The following CELF2 variants were observed in gnomAD, a reference collection of about 807,000 sequenced individuals.
CELF2 encodes the protein CUG triplet repeat RNA-binding protein 2.
CELF2 carries 8 observed loss-of-function variants against 62.6 expected under a neutral mutation model. The ratio of observed to expected loss-of-function variants is 0.13; its 90% CI spans 0.07 to 0.23. The LOEUF (loss-of-function observed/expected upper bound fraction) is 0.23, where lower values mean the gene tolerates loss of function less well. Among genes scored for constraint, CELF2 ranks in the 10% least tolerant of loss-of-function variants. CELF2 has a pLI of 1.00. For missense variants in CELF2, 333 were observed against 671.0 expected (o/e 0.50, Z 5.56); for synonymous variants, 258 against 250.0 (o/e 1.03, Z -0.30).
At chr10:10,598,762 T>TC in the CELF2 span, among the ~76,000 whole-genome samples, 1 of 131,504 alleles carries the variant, frequency 7.6e-6, no homozygotes, top group Admixed American at 7.6e-5. Flanking sequence ...TTTTTTTTTT[T>TC]TTTTTTTTTT....
intron 9 of CELF2, among the ~76,000 whole-genome samples, chr10:11,308,421 A>C (rs1051127292): frequency 2.0e-5 from 3 of 152,192 alleles, no homozygotes; most frequent in Non-Finnish European, 4.4e-5. Flanking sequence ...TATTTCTGTG[A>C]GGCTCTGTTC....
intron 1 of CELF2, among the ~76,000 whole-genome samples, chr10:11,089,659 G>T (rs1424647326): frequency 6.6e-6 from 1 of 152,144 alleles, no homozygotes; most frequent in Non-Finnish European, 1.5e-5. Context: ...GAGGTAGAGA[G>T]AAGGCAGAAG....
At chr10:10,644,612 C>T in the CELF2 span, among the ~76,000 whole-genome samples, 37 of 152,246 alleles carry the variant, frequency 2.4e-4, no homozygotes, top group African/African-American at 8.4e-4. Flanking sequence ...TTGTCTGAGG[C>T]AGGATCAGCC....
At chr10:11,102,757 C>G (rs1436232966) in intron 1 of CELF2, among the ~76,000 whole-genome samples, 1 of 152,184 alleles carries the variant, frequency 6.6e-6, no homozygotes, top group East Asian at 1.9e-4. Context: ...TTCCCCCTTT[C>G]TTTCTCCATG....
At chr10:10,573,911 A>G in the CELF2 span, among the ~76,000 whole-genome samples, 181 of 152,238 alleles carry the variant, frequency 1.2e-3, 4 homozygotes, top group South Asian at 0.031. Context: ...ATTTTTATTT[A>G]TATATTATTC....
At chr10:10,488,573 T>G in the CELF2 span, among the ~76,000 whole-genome samples, 1 of 152,142 alleles carries the variant, frequency 6.6e-6, no homozygotes, top group Non-Finnish European at 1.5e-5. Context: ...TTTACTAATA[T>G]CTTCCTCATT....
chr10:10,750,410 A>G, the CELF2 span, among the ~76,000 whole-genome samples: 1 of 152,248 alleles, frequency 6.6e-6, no homozygotes. Context: ...AAATCAGAGA[A>G]AGATTCTGAA....
chr10:11,060,916 TTC>T (rs1202427266), intron 1 of CELF2, among the ~76,000 whole-genome samples: 2 of 152,208 alleles, frequency 1.3e-5, no homozygotes, highest in Admixed American at 6.5e-5. Flanking sequence ...AGTGCTGCCA[TTC>T]TCTGTCTTTC....
intron 2 of CELF2, among the ~76,000 whole-genome samples, chr10:10,921,694 G>T (rs562739125): frequency 1.3e-5 from 2 of 152,274 alleles, no homozygotes; most frequent in South Asian, 4.1e-4. Context: ...GCACAGATGG[G>T]ATCAGCTTGA....
rs1272333215 is a variant in CELF2, at chr10:10,934,487, G to T, written c.89+14488G>T. On this transcript the variant is annotated intron_variant, in intron 2 of 13. Coordinates refer to the CELF2 transcript ENST00000636488. This position sits in a 1 kb window ranked among gnomAD's most constrained non-coding sequence, Gnocchi z 4.4. ...AGGTGCATGAACAAGACTGCTCATT[G>T]TAGAAACAAAAACGAAATAGTTGAT... The T allele has an allele frequency of 6.6e-6, 1 of 152,234 alleles. No homozygotes were observed. Among genetic ancestry groups the T allele is most frequent in the Non-Finnish European group, 1.5e-5 (1 of 68,042 alleles). 9.4% of individuals were successfully genotyped at this position (152,234 alleles called of 1,614,324 possible).
At chr10:11,236,235 A>G (rs1424433231) in intron 3 of CELF2, among the ~76,000 whole-genome samples, 1 of 152,238 alleles carries the variant, frequency 6.6e-6, no homozygotes, top group African/African-American at 2.4e-5. Flanking sequence ...GGTTCAAGAT[A>G]AAATACAATC....
chr10:10,962,997 CTGTTTTGTTTTGTTTTGTTTTGTTT>C lies in CELF2; in HGVS notation c.89+43037_89+43061del, dbSNP rs57417707. On this transcript the variant is annotated intron_variant, in intron 2 of 13. Transcript: ENST00000636488. ...GATTGTATTTCCCCATAAGGAAATTCTGTTTTGTTTTGTTTTGTTTTGTTTTGTTTTGTTTTGTTTTGTTTTGTTT... is the reference window on the plus strand; with the variant it reads ...GATTGTATTTCCCCATAAGGAAATTCTGTTTTGTTTTGTTTTGTTTTGTTT... Among the ~76,000 whole-genome samples the C allele has an allele frequency of 6.0e-3, 854 of 142,710 alleles. 2 individuals are homozygous for C. Among genetic ancestry groups the C allele is most frequent in the Middle Eastern group, 0.017 (5 of 286 alleles). 93.6% of individuals were successfully genotyped at this position (142,710 alleles called of 152,430 possible).
chr10:11,021,172 A>T (rs1485103406), intron 1 of CELF2, among the ~76,000 whole-genome samples: 1 of 152,234 alleles, frequency 6.6e-6, no homozygotes, highest in African/African-American at 2.4e-5. Context: ...CTAATAAATA[A>T]AGTCTCAGAA....
chr10:11,266,002 C>T (rs1395083832), intron 5 of CELF2, among the ~76,000 whole-genome samples: 1 of 152,058 alleles, frequency 6.6e-6, no homozygotes, highest in Non-Finnish European at 1.5e-5. Context: ...AAATAGTTTG[C>T]AACAGACTTG....
At chr10:10,724,537 T>C in the CELF2 span, among the ~76,000 whole-genome samples, 2 of 151,100 alleles carry the variant, frequency 1.3e-5, no homozygotes, top group African/African-American at 4.9e-5. Flanking sequence ...GTGCCTGTAA[T>C]CCCAGCTACT....
intron 2 of CELF2, among the ~76,000 whole-genome samples, chr10:11,204,859 T>A (rs2060074151): frequency 6.6e-6 from 1 of 152,244 alleles, no homozygotes; most frequent in Admixed American, 6.5e-5. Flanking sequence ...TTTTGTTTTT[T>A]CTTCCTCTAT....
intron 1 of CELF2, among the ~76,000 whole-genome samples, chr10:10,910,176 G>C (rs1004880721): frequency 2.0e-5 from 3 of 152,110 alleles, no homozygotes; most frequent in Admixed American, 6.5e-5. Context: ...CCTTTTAAAC[G>C]AACTTATATA....
Position 11,011,543 on chromosome 10 carries a change from CCTCTT to C in CELF2, c.53+6109_53+6113del, listed in dbSNP as rs2056467259. On this transcript the variant is annotated intron_variant, in intron 1 of 12. Coordinates refer to the CELF2 transcript ENST00000416382. This position sits in a 1 kb window ranked among gnomAD's most constrained non-coding sequence, Gnocchi z 4.6. Reference sequence around the variant, plus strand: ...AGACCCTAATGTCATTTACATCTCTCCTCTTCTCTTACCTGCCCTATTCCTATGAA... The same window carrying C: ...AGACCCTAATGTCATTTACATCTCTCCTCTTACCTGCCCTATTCCTATGAA... Among the ~76,000 whole-genome samples, 1 of 151,960 alleles carries C rather than the reference CCTCTT, an allele frequency of 6.6e-6. No homozygotes were observed. Among genetic ancestry groups the C allele is most frequent in the Non-Finnish European group, 1.5e-5 (1 of 68,006 alleles).
At chr10:10,967,777 G>A (rs1296967589) in intron 2 of CELF2, among the ~76,000 whole-genome samples, 1 of 152,180 alleles carries the variant, frequency 6.6e-6, no homozygotes, top group Non-Finnish European at 1.5e-5. Flanking sequence ...CCAGCAGCTG[G>A]GGCCCTGGGT....
Sources: allele counts gnomAD v4.1 joint callset (sites outside exome capture counted in the v4.1 genomes callset), GRCh38; gene constraint gnomAD v4.1.1; non-coding constraint Gnocchi (gnomAD v3.1); transcripts MANE v1.5; gene names NCBI Gene and HGNC (gene_info 2026-07-23, HGNC 2026-07-21).